FGD5: variants seen among roughly 807,000 people sequenced by gnomAD.
FGD5 encodes FYVE, RhoGEF and PH domain containing 5.
FGD5 carries 28 observed loss-of-function variants against 133.4 expected under a neutral mutation model. That is an observed-to-expected ratio of 0.21 (90% CI 0.16 to 0.29). FGD5 has a LOEUF of 0.29. FGD5 is among the 10% of genes least tolerant of loss of function. The pLI is 1.00. For missense variants in FGD5, 1,858 were observed against 1,895.2 expected, an observed-to-expected ratio of 0.98 and a Z score of 0.36; for synonymous variants, 810 against 776.5, an observed-to-expected ratio of 1.04 and a Z score of -0.72.
At chr3:14,880,709 T>C (rs375240185) in intron 3 of FGD5, 33 bp from the exon 4 acceptor site, 22 of 1,613,862 alleles carry the variant, frequency 1.4e-5, no homozygotes, top group African/African-American at 2.7e-5. Flanking sequence ...AGGATGGGGA[T>C]TAATGCAGCC....
chr3:14,911,494 C>G (rs987878547), intron 11 of FGD5, among the ~76,000 whole-genome samples: 2 of 152,036 alleles, frequency 1.3e-5, no homozygotes, highest in Admixed American at 1.3e-4. Flanking sequence ...CACAGTTTTT[C>G]TCTTGCTCCT....
intron 2 of FGD5, among the ~76,000 whole-genome samples, chr3:14,874,758 C>G (rs2037683833): frequency 6.6e-6 from 1 of 152,178 alleles, no homozygotes; most frequent in Non-Finnish European, 1.5e-5. Flanking sequence ...AAATTTGTTA[C>G]ACACTGTAGC....
chr3:14,821,672 T>C, intron 1 of FGD5, 76 bp downstream of exon 1: 1 of 1,443,766 alleles, frequency 6.9e-7, no homozygotes, highest in Non-Finnish European at 9.1e-7. Context: ...GGGGGACAGA[T>C]GGACTTGCTT....
intron 12 of FGD5, 41 bp from the exon 13 acceptor site, chr3:14,918,713 T>C: frequency 3.1e-6 from 4 of 1,295,458 alleles, no homozygotes; most frequent in Non-Finnish European, 3.3e-6. Flanking sequence ...CACTTGCCCC[T>C]CCCTGCCCCA....
At chr3:14,842,341 C>T (rs1333991472) in intron 1 of FGD5, among the ~76,000 whole-genome samples, 1 of 152,202 alleles carries the variant, frequency 6.6e-6, no homozygotes, top group Admixed American at 6.5e-5. Context: ...CAGAGACCAA[C>T]CTGGTGCAGG....
rs2125155383 is a variant in FGD5, at chr3:14,922,135, G to A, written c.3669+118G>A. On this transcript the variant is annotated intron_variant, in intron 14 of 19. Transcript: ENST00000285046. This position sits in a 1 kb window ranked among gnomAD's most constrained non-coding sequence, Gnocchi z 4.1. ...CGTGTAGCTCCTGTCTTGGGGCACT[G>A]GCTCCCCCCACACCCCTGCCATGCT... 8.5e-7 allele frequency: 1 copy of A among 1,177,880 alleles called. No homozygotes were observed. The highest frequency in any genetic ancestry group is 2.6e-5 in the East Asian group (1 of 39,160). The allele number at this position is 1,177,880 out of a possible 1,614,324, so 73.0% of individuals were successfully genotyped here. A position where few individuals can be genotyped will look rare whatever the true frequency, so the allele number is the denominator to read the frequency against.
chr3:14,876,420 TACC>T (rs1349761670), intron 2 of FGD5, among the ~76,000 whole-genome samples: 15 of 152,204 alleles, frequency 9.9e-5, no homozygotes, highest in African/African-American at 3.4e-4. Context: ...CTGCAATGTT[TACC>T]ACATTAGAAA....
intron 1 of FGD5, among the ~76,000 whole-genome samples, chr3:14,832,870 CTG>C (rs1233995655): frequency 3.3e-5 from 5 of 152,078 alleles, no homozygotes; most frequent in Admixed American, 2.6e-4. Flanking sequence ...TGATGAAAAA[CTG>C]TAGAGAAAAA....
chr3:14,819,619 C>T lies in FGD5; in HGVS notation c.548C>T (p.Pro183Leu). The change falls in exon 1 of 20, where the codon CCT (proline) becomes CTT (leucine). Residue 183 changes from proline to leucine, a missense_variant. Pro to Leu is a moderately conservative substitution (Grantham distance 98). Transcript: ENST00000285046. This position sits in a 1 kb window ranked among gnomAD's most constrained non-coding sequence, Gnocchi z 4.1. ...GAGTGCAGCCTGGAGGACAGTGGGC[C>T]TTGGGCTGGAGAGGGGGTCTTCCAG... The part of the protein sequence containing the change: ...HRECSLEDSG[P>L]WAGEGVFQSD... 6.4e-7 allele frequency: 1 copy of T among 1,551,210 alleles called. No individual in the cohort carries two copies. The highest frequency in any genetic ancestry group is 1.2e-5 in the South Asian group (1 of 84,012).
At chr3:14,818,852 G>C, upstream of FGD5, 1 of 1,279,548 alleles carries the variant, frequency 7.8e-7, no homozygotes, top group South Asian at 1.7e-5. Flanking sequence ...CACATGGATG[G>C]ACGGAACCAT....
upstream of FGD5, among the ~76,000 whole-genome samples, chr3:14,817,396 A>T (rs1339583934): frequency 2.0e-5 from 3 of 152,152 alleles, no homozygotes; most frequent in Non-Finnish European, 4.4e-5. Flanking sequence ...GGGTTTCACC[A>T]TGTTGACCAG....
At chr3:14,916,020 A>G (rs192982136) in intron 11 of FGD5, among the ~76,000 whole-genome samples, 7 of 152,156 alleles carry the variant, frequency 4.6e-5, no homozygotes, top group South Asian at 2.1e-4. Context: ...TGCCATGTGC[A>G]TAGGGCTCCC....
chr3:14,826,676 G>A (rs2036605731), intron 1 of FGD5, among the ~76,000 whole-genome samples: 1 of 152,192 alleles, frequency 6.6e-6, no homozygotes, highest in African/African-American at 2.4e-5. Flanking sequence ...ACATAGTGGT[G>A]GATGCAGGAT....
chr3:14,923,121 G>A lies in FGD5; in HGVS notation c.3883G>A (p.Gly1295Ser), dbSNP rs1253176160. The change falls in exon 16 of 20, where the codon GGC (glycine) becomes AGC (serine). Residue 1295 changes from glycine to serine, a missense_variant. Gly to Ser is a moderately conservative substitution (Grantham distance 56). Around this residue, in one of 3 missense-constraint regions of FGD5, gnomAD observed 1,824 missense variants for 1,848.9 expected, o/e 0.99. Coordinates refer to ENST00000285046, the MANE Select transcript of FGD5 (RefSeq NM_152536.4). ...GGACAGGATGGCCAAGGTCTGCGAC[G>A]GCTGCTTCGGGGAGCTGAAGAAGCG... Reference protein sequence around the residue: ...LKDRMAKVCDGCFGELKKRGR... With the variant: ...LKDRMAKVCDSCFGELKKRGR... 9.9e-6 allele frequency: 16 copies of A among 1,613,770 alleles called. No homozygotes were observed. The highest frequency in any genetic ancestry group is 1.6e-4 in the Middle Eastern group (1 of 6,084).
Position 14,902,908 on chromosome 3 carries a change from C to T in FGD5, c.3264+1847C>T, listed in dbSNP as rs564546863. ...CACCCAGAGGAGGAACCGGAGCAGCCGACGGCCAGACACCCTCTTGGCTTT... is the reference window on the plus strand; with the variant it reads ...CACCCAGAGGAGGAACCGGAGCAGCTGACGGCCAGACACCCTCTTGGCTTT... On this transcript the variant is annotated intron_variant, in intron 9 of 19. Coordinates refer to ENST00000285046, the MANE Select transcript of FGD5 (RefSeq NM_152536.4). Among the ~76,000 whole-genome samples, 6 of 152,264 alleles carry T rather than the reference C, an allele frequency of 3.9e-5. No individual in the cohort carries two copies. The South Asian group carries it at 1.0e-3, about 26-fold the overall frequency.
At position 14,821,390 on chromosome 3, in the gene FGD5, C is replaced by G. The variant is rs2036498807; in HGVS notation, c.2319C>G (p.Asp773Glu). The change falls in exon 1 of 20, where the codon GAC (aspartate) becomes GAG (glutamate). Residue 773 changes from aspartate (D) to glutamate (E), a missense_variant. By Grantham distance (45) the Asp-to-Glu change is conservative. Transcript: ENST00000285046. ...SISFPSADTS[D>E]YENIPAMNSD... ...CCTTCCCCAGCGCTGACACTTCAGA[C>G]TATGAGAACATTCCAGCCATGAACT... 2 of 1,614,030 alleles carry G rather than the reference C, an allele frequency of 1.2e-6. No individual in the cohort carries two copies. Among genetic ancestry groups the G allele is most frequent in the African/African-American group, 1.3e-5 (1 of 75,058 alleles).
chr3:14,850,404 CGTTT>C (rs1268504408), intron 1 of FGD5, among the ~76,000 whole-genome samples: 1 of 152,216 alleles, frequency 6.6e-6, no homozygotes, highest in Non-Finnish European at 1.5e-5. Context: ...GAAGGAAGCT[CGTTT>C]GTCTCCTAAT....
intron 11 of FGD5, among the ~76,000 whole-genome samples, chr3:14,914,065 T>C (rs1458486804): frequency 9.2e-5 from 14 of 152,230 alleles, no homozygotes; most frequent in African/African-American, 2.4e-5. Flanking sequence ...CTGGGTCCTC[T>C]TCTTCCTCTG....
intron 6 of FGD5, 30 bp from the exon 7 acceptor site, chr3:14,898,709 A>T (rs1236832789): frequency 6.4e-7 from 1 of 1,551,618 alleles, no homozygotes; most frequent in African/African-American, 1.4e-5. Context: ...GGTTTCTGAT[A>T]AGGTTTTTCC....
Sources: gnomAD v4.1 joint callset for allele counts (sites outside exome capture counted in the v4.1 genomes callset) on GRCh38, gnomAD v4.1.1 for gene constraint, gnomAD v4.1.1 regional missense constraint, Gnocchi (gnomAD v3.1) non-coding constraint, MANE v1.5 for transcripts, NCBI Gene and HGNC (gene_info 2026-07-23, HGNC 2026-07-21) for gene names.